Variants in SMG6 observed in about 807,000 individuals in gnomAD.
SMG6 encodes the protein telomerase-binding protein EST1A.
A neutral mutation model predicts 142.2 loss-of-function variants in SMG6; 66 were observed. The ratio of observed to expected loss-of-function variants is 0.46; its 90% CI spans 0.38 to 0.57. SMG6 has a LOEUF of 0.57. Ranked by LOEUF, SMG6 falls within the 20% of genes least tolerant of loss-of-function variation. The probability of loss-of-function intolerance (pLI) is 0.00; values close to 1 mark genes in which losing one functional copy is unlikely to be tolerated. For missense variants in SMG6, 1,793 were observed against 1,832.0 expected, an observed-to-expected ratio of 0.98 and a Z score of 0.39; for synonymous variants, 779 against 702.4, an observed-to-expected ratio of 1.11 and a Z score of -1.72.
Position 2,085,658 on chromosome 17 carries a change from C to G in SMG6, c.3534+67G>C. 6.7e-7 allele frequency: 1 copy of G among 1,489,264 alleles called. No individual in the cohort carries two copies. Among genetic ancestry groups the G allele is most frequent in the Non-Finnish European group, 9.1e-7 (1 of 1,095,260 alleles). 92.3% of individuals were successfully genotyped at this position (1,489,264 alleles called of 1,614,324 possible). A position where few individuals can be genotyped will look rare whatever the true frequency, so the allele number is the denominator to read the frequency against. On this transcript the variant is annotated intron_variant, in intron 14 of 18. Coordinates refer to ENST00000263073, the MANE Select transcript of SMG6 (RefSeq NM_017575.5). This position sits in a 1 kb window ranked among gnomAD's most constrained non-coding sequence, Gnocchi z 4.1. ...GCTCATAAATAAGCAGGAGGAAAAG[C>G]TGAAGCCACGAGCAGAATGGGGAGG... is the stretch of plus-strand genomic sequence containing the variant.
rs2067901911 is a variant in SMG6, at chr17:2,065,137, G to A, written c.4065C>T (p.Leu1355=). Residue 1355 remains leucine, a synonymous_variant, in exon 18 of 19, where the codon CTC becomes CTT. Coordinates refer to ENST00000263073, the MANE Select transcript of SMG6 (RefSeq NM_017575.5). ...AGTAGTGGAGGCAGCAGGACAGGAT[G>A]AGATCATCGTTGTTACCCTGGAGGA... ...ITGQLGNNDD[L]ILSCCLHYCK... 1.2e-6 allele frequency: 2 copies of A among 1,613,654 alleles called. No homozygotes were observed. The highest frequency in any genetic ancestry group is 2.2e-5 in the South Asian group (2 of 91,080).
chr17:2,093,301 TG>T (rs1488191838), intron 13 of SMG6, among the ~76,000 whole-genome samples: 1 of 151,944 alleles, frequency 6.6e-6, no homozygotes, highest in Non-Finnish European at 1.5e-5. Flanking sequence ...AACACACCTA[TG>T]GTCCGAGCTA....
chr17:2,100,330 C>T (rs1002156639), intron 13 of SMG6, among the ~76,000 whole-genome samples: 1 of 152,126 alleles, frequency 6.6e-6, no homozygotes, highest in Non-Finnish European at 1.5e-5. Context: ...AGCCACCGTC[C>T]CTGGCCTAAT....
Position 2,299,412 on chromosome 17 carries a change from G to C in SMG6, c.1341C>G (p.Gly447=). 6.2e-7 allele frequency: 1 copy of C among 1,613,756 alleles called. No homozygotes were observed. Among genetic ancestry groups the C allele is most frequent in the Non-Finnish European group, 8.5e-7 (1 of 1,180,020 alleles). The change falls in exon 2 of 19, where the codon GGC becomes GGG. Residue 447 remains glycine, a synonymous_variant. Transcript: ENST00000263073. The surrounding 1 kb of genome is among the most constrained non-coding windows in gnomAD (Gnocchi z 4.3). ...GSGSKGSRSW[G]RGGTTRRLWD... ...ACAATCGGCGTGTGGTGCCTCCACG[G>C]CCCCAACTCCGAGATCCCTTACTAC...
chr17:2,193,636 A>G (rs1201921847), intron 10 of SMG6, among the ~76,000 whole-genome samples: 1 of 152,210 alleles, frequency 6.6e-6, no homozygotes, highest in Admixed American at 6.5e-5. Flanking sequence ...TGGAGGATAT[A>G]AAGGAAAGTA....
intron 13 of SMG6, among the ~76,000 whole-genome samples, chr17:2,157,160 C>T (rs779973222): frequency 3.9e-5 from 6 of 152,188 alleles, no homozygotes; most frequent in African/African-American, 1.4e-4. Context: ...TTACTCCAGA[C>T]TGCACACGGG....
intron 13 of SMG6, among the ~76,000 whole-genome samples, chr17:2,102,998 T>C (rs1238127091): frequency 2.0e-5 from 3 of 152,360 alleles, no homozygotes; most frequent in South Asian, 2.1e-4. Flanking sequence ...TAGTACTCCA[T>C]TGTGTGTATG....
chr17:2,093,703 T>C (rs1297762678), intron 13 of SMG6, among the ~76,000 whole-genome samples: 2 of 152,096 alleles, frequency 1.3e-5, no homozygotes, highest in Non-Finnish European at 2.9e-5. Flanking sequence ...TTTTTTAAAT[T>C]TGTCCAGGCT....
Position 2,076,095 on chromosome 17 carries a change from T to G in SMG6, c.3681+5715A>C, listed in dbSNP as rs191378617. Among the ~76,000 whole-genome samples the G allele has an allele frequency of 5.6e-3, 848 of 152,274 alleles. 4 individuals carry two copies. Among genetic ancestry groups the G allele is most frequent in the Non-Finnish European group, 8.6e-3 (587 of 68,022 alleles). ...TGTGGTTACAGCCCCAGATCTCACT[T>G]GGACTTTATAGCTATCCTGGGGGCC... On this transcript the variant is annotated intron_variant, in intron 15 of 18. Transcript: ENST00000263073.
chr17:2,241,660 G>C (rs1567711356), intron 9 of SMG6, among the ~76,000 whole-genome samples: 1 of 152,086 alleles, frequency 6.6e-6, no homozygotes, highest in Non-Finnish European at 1.5e-5. Context: ...CAAAATGCTA[G>C]GATTATAGGC....
At chr17:2,283,184 A>G (rs2074829253) in intron 7 of SMG6, among the ~76,000 whole-genome samples, 1 of 152,198 alleles carries the variant, frequency 6.6e-6, no homozygotes, top group African/African-American at 2.4e-5. Flanking sequence ...AACAAAAAAC[A>G]CACATGAGCT....
rs914457312 is a variant in SMG6, at chr17:2,244,897, C to T, written c.2662-178G>A. The T allele has an allele frequency of 5.0e-6, 3 of 596,968 alleles. No individual in the cohort carries two copies. In the South Asian group the frequency reaches 6.0e-5, roughly 12 times the overall value. The allele number at this position is 596,968 out of a possible 1,614,324, so 37.0% of individuals were successfully genotyped here. A position where few individuals can be genotyped will look rare whatever the true frequency, so the allele number is the denominator to read the frequency against. ...CCCAGGGCACATGCCCAACAGCTGC[C>T]GCTCAGCTGAGCCAAGATGACAACA... On this transcript the variant is annotated intron_variant, in intron 8 of 18. Coordinates refer to ENST00000263073, the MANE Select transcript of SMG6 (RefSeq NM_017575.5).
chr17:2,245,779 C>G (rs765567434), intron 8 of SMG6, among the ~76,000 whole-genome samples: 9 of 152,208 alleles, frequency 5.9e-5, no homozygotes, highest in Non-Finnish European at 1.2e-4. Context: ...CTCCTGGGCT[C>G]AAGTGATCCT....
chr17:2,261,629 C>A (rs2074316969), intron 8 of SMG6, among the ~76,000 whole-genome samples: 1 of 152,204 alleles, frequency 6.6e-6, no homozygotes, highest in Non-Finnish European at 1.5e-5. Flanking sequence ...TAATAAACAA[C>A]TTTCTGCTAC....
Position 2,244,721 on chromosome 17 carries a change from T to G in SMG6, c.2662-2A>C. ...ACTGAGGATGAACCTTTTGTTCAGC[T>G]GCATGGGAAAAAGGGAGAGGAGAAA... On this transcript the variant is annotated splice_acceptor_variant, in intron 8 of 18. Coordinates refer to ENST00000263073, the MANE Select transcript of SMG6 (RefSeq NM_017575.5). LOFTEE classifies it high-confidence loss of function. The G allele has an allele frequency of 6.2e-7, 1 of 1,613,272 alleles. No homozygotes were observed. The highest frequency in any genetic ancestry group is 8.5e-7 in the Non-Finnish European group (1 of 1,179,238).
At chr17:2,145,673 A>G (rs946250886) in intron 13 of SMG6, among the ~76,000 whole-genome samples, 19 of 147,960 alleles carry the variant, frequency 1.3e-4, no homozygotes, top group African/African-American at 4.7e-4. Context: ...AAAAGCATAT[A>G]GCTTACCTTT....
chr17:2,291,092 G>C (rs2075021322), intron 6 of SMG6, among the ~76,000 whole-genome samples: 1 of 152,184 alleles, frequency 6.6e-6, no homozygotes, highest in Non-Finnish European at 1.5e-5. Flanking sequence ...AGCACTTTGG[G>C]AGGCCGAGGC....
At chr17:2,205,222 C>G (rs1567681678) in intron 10 of SMG6, among the ~76,000 whole-genome samples, 3 of 151,984 alleles carry the variant, frequency 2.0e-5, no homozygotes, top group African/African-American at 4.8e-5. Context: ...GTGCTCACCA[C>G]CATGTCTGGC....
At chr17:2,278,917 C>A (rs2074720447) in intron 8 of SMG6, among the ~76,000 whole-genome samples, 1 of 152,186 alleles carries the variant, frequency 6.6e-6, no homozygotes, top group Non-Finnish European at 1.5e-5. Context: ...TCATCCCTCG[C>A]TGCCCTTCCC....
Sources: gnomAD v4.1 joint callset for allele counts (sites outside exome capture counted in the v4.1 genomes callset) on GRCh38, gnomAD v4.1.1 for gene constraint, Gnocchi (gnomAD v3.1) non-coding constraint, MANE v1.5 for transcripts, NCBI Gene and HGNC (gene_info 2026-07-23, HGNC 2026-07-21) for gene names.